ORC4: variants seen among roughly 807,000 people sequenced by gnomAD.
ORC4 encodes origin recognition complex, subunit 4 homolog.
Under a neutral mutation model 63.9 loss-of-function variants are expected in ORC4, and 55 were observed. The observed-to-expected ratio is 0.86, with a 90% CI of 0.69 to 1.08. The LOEUF (loss-of-function observed/expected upper bound fraction) is 1.08, where lower values mean the gene tolerates loss of function less well. Ranked by LOEUF, ORC4 falls within the 50% of genes least tolerant of loss-of-function variation. The pLI is 0.00. For synonymous variants in ORC4, 150 were observed against 168.5 expected (o/e 0.89, Z 0.85); for missense variants, 511 against 504.4 (o/e 1.01, Z -0.13).
chr2:147,955,205 C>T, intron 7 of ORC4, 142 bp downstream of exon 7: 1 of 628,642 alleles, frequency 1.6e-6, no homozygotes, highest in Non-Finnish European at 2.9e-6. Flanking sequence ...GGTGGGAATA[C>T]AGTGAACATT....
chr2:147,984,054 G>A (rs1374173422), intron 1 of ORC4, among the ~76,000 whole-genome samples: 2 of 152,280 alleles, frequency 1.3e-5, no homozygotes, highest in East Asian at 3.9e-4. Flanking sequence ...CTATGATACA[G>A]GTACTGGAAT....
At chr2:148,012,455 G>A (rs1269409785) in intron 1 of ORC4, among the ~76,000 whole-genome samples, 6 of 152,076 alleles carry the variant, frequency 3.9e-5, no homozygotes, top group Non-Finnish European at 8.8e-5. Context: ...AAAGAAAAAT[G>A]CATTAAAGAC....
intron 9 of ORC4, chr2:147,947,578 A>T (rs1209948764): frequency 6.5e-6 from 1 of 152,868 alleles, no homozygotes; most frequent in Non-Finnish European, 1.5e-5. Flanking sequence ...ATATAACTGG[A>T]GGTGCCACAG....
In ORC4 at chr2:147,935,388, C is replaced by A. The variant is rs17225656; in HGVS notation, c.*122G>T. On this transcript the variant is annotated 3_prime_UTR_variant, in exon 14 of 14. Coordinates refer to ENST00000392857, the MANE Select transcript of ORC4 (RefSeq NM_181741.4). The stretch of plus-strand genomic sequence containing the variant: ...AGACACAGCCAAGACAGTAGATGGG[C>A]AAGTCTCACATAAATACAAGAATGT... 8.0e-6 allele frequency: 6 copies of A among 753,996 alleles called. No homozygotes were observed. In the African/African-American group the frequency reaches 1.0e-4, roughly 13 times the overall value. The allele number at this position is 753,996 out of a possible 1,614,324, so 46.7% of individuals were successfully genotyped here.
At chr2:147,995,851 G>A (rs1435048363) in intron 1 of ORC4, among the ~76,000 whole-genome samples, 2 of 152,060 alleles carry the variant, frequency 1.3e-5, no homozygotes, top group Non-Finnish European at 2.9e-5. Flanking sequence ...TGAAGTCAGC[G>A]AGACGAAGAA....
intron 1 of ORC4, among the ~76,000 whole-genome samples, chr2:147,991,096 G>A (rs1348435653): frequency 6.9e-6 from 1 of 144,364 alleles, no homozygotes; most frequent in Non-Finnish European, 1.5e-5. Flanking sequence ...TCGCCTGGCT[G>A]GAGTGCAGTG....
intron 1 of ORC4, among the ~76,000 whole-genome samples, chr2:148,019,145 G>A (rs1693506632): frequency 6.6e-6 from 1 of 151,944 alleles, no homozygotes; most frequent in Non-Finnish European, 1.5e-5. Flanking sequence ...AAGCACAGGA[G>A]TCTAGTTTTG....
chr2:148,014,697 A>T (rs866554757), intron 1 of ORC4, among the ~76,000 whole-genome samples: 1 of 152,224 alleles, frequency 6.6e-6, no homozygotes, highest in Admixed American at 6.5e-5. Context: ...GACTATAAAA[A>T]ATAATAGAAA....
At chr2:147,969,033 A>G (rs1346524084) in intron 4 of ORC4, among the ~76,000 whole-genome samples, 1 of 152,038 alleles carries the variant, frequency 6.6e-6, no homozygotes, top group Non-Finnish European at 1.5e-5. Context: ...AGCCAGGAAA[A>G]GAAAGTTAAA....
intron 10 of ORC4, among the ~76,000 whole-genome samples, chr2:147,942,182 C>T (rs1161205359): frequency 6.6e-6 from 1 of 152,022 alleles, no homozygotes; most frequent in Non-Finnish European, 1.5e-5. Flanking sequence ...TATGCCAGTC[C>T]ATAAATGGTA....
At chr2:147,947,914 A>G (rs193268960) in intron 9 of ORC4, 137 bp downstream of exon 9, 262 of 680,330 alleles carry the variant, frequency 3.9e-4, no homozygotes, top group Middle Eastern at 8.0e-4. Flanking sequence ...TAAAAAGTAT[A>G]TAATTTGTAT....
At chr2:148,002,873 T>A (rs1052590828) in intron 1 of ORC4, among the ~76,000 whole-genome samples, 3 of 151,856 alleles carry the variant, frequency 2.0e-5, no homozygotes, top group Admixed American at 6.6e-5. Context: ...CTAGCCAGAC[T>A]AATAAAGAAA....
Position 147,930,696 on chromosome 2 carries a change from A to G in ORC4, c.*4814T>C, listed in dbSNP as rs1273372289. 6.6e-6 allele frequency: 1 copy of G among 152,466 alleles called. No individual in the cohort carries two copies. Among genetic ancestry groups the G allele is most frequent in the Non-Finnish European group, 1.5e-5 (1 of 67,984 alleles). The allele number at this position is 152,466 out of a possible 1,614,324, so 9.4% of individuals were successfully genotyped here. A position where few individuals can be genotyped will look rare whatever the true frequency, so the allele number is the denominator to read the frequency against. On this transcript the variant is annotated 3_prime_UTR_variant, in exon 14 of 14. Coordinates refer to ENST00000392857, the MANE Select transcript of ORC4 (RefSeq NM_181741.4). ...AATCGTACTTGCTATTTTTTCTGCA[A>G]GTATTTAACAGAAAGCTTAAAATCC...
At chr2:148,001,866 C>T (rs1156511583) in intron 1 of ORC4, among the ~76,000 whole-genome samples, 1 of 151,958 alleles carries the variant, frequency 6.6e-6, no homozygotes, top group African/African-American at 2.4e-5. Flanking sequence ...AAGAGACCCA[C>T]CTCACTTGCA....
chr2:147,989,025 A>G (rs1691403695), intron 1 of ORC4, among the ~76,000 whole-genome samples: 1 of 152,206 alleles, frequency 6.6e-6, no homozygotes, highest in Non-Finnish European at 1.5e-5. Context: ...TGTAAGTTTT[A>G]TATGTGTTGA....
intron 1 of ORC4, among the ~76,000 whole-genome samples, chr2:147,988,644 C>G (rs541923250): frequency 1.3e-5 from 2 of 152,086 alleles, no homozygotes; most frequent in African/African-American, 4.8e-5. Context: ...TGAATCACCA[C>G]GCCCAGCCTC....
intron 8 of ORC4, among the ~76,000 whole-genome samples, chr2:147,951,230 T>G (rs1324269714): frequency 1.3e-5 from 2 of 152,158 alleles, no homozygotes; most frequent in Non-Finnish European, 2.9e-5. Flanking sequence ...TGTGAACATG[T>G]AAATGTGCCT....
chr2:147,993,016 C>G (rs1691718837), intron 1 of ORC4, among the ~76,000 whole-genome samples: 1 of 152,180 alleles, frequency 6.6e-6, no homozygotes. Context: ...CTGTTCCATA[C>G]CCGGAAGGAA....
intron 1 of ORC4, among the ~76,000 whole-genome samples, chr2:148,006,707 C>CA (rs1266299384): frequency 6.6e-6 from 1 of 152,180 alleles, no homozygotes; most frequent in Non-Finnish European, 1.5e-5. Flanking sequence ...GGGATGGACT[C>CA]AGTCTTGGCA....
Sources: allele counts gnomAD v4.1 joint callset (sites outside exome capture counted in the v4.1 genomes callset), GRCh38; gene constraint gnomAD v4.1.1; transcripts MANE v1.5; gene names NCBI Gene and HGNC (gene_info 2026-07-23, HGNC 2026-07-21).